TRIM14: variants seen among roughly 807,000 people sequenced by gnomAD.
TRIM14 encodes tripartite motif containing 14.
In TRIM14, 28 loss-of-function variants were observed where a neutral mutation model predicts 44.5. The ratio of observed to expected loss-of-function variants is 0.63; its 90% confidence interval spans 0.47 to 0.86. The LOEUF is 0.86. Among genes scored for constraint, TRIM14 ranks in the 40% least tolerant of loss-of-function variants. The pLI is 0.00. For missense variants in TRIM14, 607 were observed against 611.1 expected (o/e 0.99, Z 0.07); for synonymous variants, 299 against 269.2 (o/e 1.11, Z -1.08).
At chr9:98,096,395 G>C (rs116632056) in intron 3 of TRIM14, among the ~76,000 whole-genome samples, 1,554 of 152,268 alleles carry the variant, frequency 0.01, 28 homozygotes, top group African/African-American at 0.035. Context: ...GAGCAGCTCC[G>C]GGGAGGCGAG....
intron 6 of TRIM14, chr9:98,076,242 G>A (rs1021102957): frequency 6.6e-6 from 1 of 152,196 alleles, no homozygotes; most frequent in Non-Finnish European, 1.5e-5. Context: ...AGAAGGGAAA[G>A]CCTTTGAGGC....
At chr9:98,048,657 G>A in the TRIM14 span, among the ~76,000 whole-genome samples, 3 of 152,226 alleles carry the variant, frequency 2.0e-5, no homozygotes, top group African/African-American at 7.2e-5. Flanking sequence ...ATTTAGGCAG[G>A]TCAGATATTA....
intron 6 of TRIM14, among the ~76,000 whole-genome samples, chr9:98,070,602 G>T (rs1320647695): frequency 6.6e-6 from 1 of 151,124 alleles, no homozygotes; most frequent in Non-Finnish European, 1.5e-5. Flanking sequence ...TGTATTTTTA[G>T]TAGAGATGAG....
At chr9:98,047,018 A>G in the TRIM14 span, among the ~76,000 whole-genome samples, 5 of 152,096 alleles carry the variant, frequency 3.3e-5, no homozygotes, top group East Asian at 9.6e-4. Context: ...TATCACTGCA[A>G]TGGGTGGGTG....
chr9:98,077,587 G>A (rs1829647354), intron 6 of TRIM14, among the ~76,000 whole-genome samples: 1 of 152,086 alleles, frequency 6.6e-6, no homozygotes, highest in African/African-American at 2.4e-5. Flanking sequence ...GTATGGTGGT[G>A]CATTACTGTG....
rs774269881 is a variant in TRIM14, at chr9:98,095,048, G to T, written c.538-19C>A. On this transcript the variant is annotated intron_variant, in intron 3 of 5. Transcript: ENST00000341469. This position sits in a 1 kb window ranked among gnomAD's most constrained non-coding sequence, Gnocchi z 4.1. Reference sequence around the variant, plus strand: ...TGTATGCCTGTGTGGGCACACGGGGGTGAGGGTGGCTCTGGGAGATGCAGG... The same window carrying T: ...TGTATGCCTGTGTGGGCACACGGGGTTGAGGGTGGCTCTGGGAGATGCAGG... 3.1e-6 allele frequency: 5 copies of T among 1,606,674 alleles called. No homozygotes were observed. The highest frequency in any genetic ancestry group is 1.7e-5 in the Admixed American group (1 of 59,764).
At chr9:98,051,096 C>G in the TRIM14 span, among the ~76,000 whole-genome samples, 1 of 152,122 alleles carries the variant, frequency 6.6e-6, no homozygotes, top group Admixed American at 6.6e-5. Context: ...TCTTTCAGCT[C>G]TTGTCATTCC....
the TRIM14 span, among the ~76,000 whole-genome samples, chr9:98,055,675 T>C: frequency 2.0e-5 from 3 of 152,164 alleles, no homozygotes; most frequent in Non-Finnish European, 4.4e-5. Flanking sequence ...AAAGGCAGTC[T>C]AGTTCCCAGG....
At chr9:98,108,712 G>A (rs996956984) in intron 2 of TRIM14, among the ~76,000 whole-genome samples, 4 of 151,636 alleles carry the variant, frequency 2.6e-5, no homozygotes, top group African/African-American at 4.9e-5. Context: ...AACTACAAAC[G>A]TCTTCAGGGT....
the TRIM14 span, chr9:98,061,259 C>CTGCT: frequency 4.6e-6 from 2 of 431,916 alleles, no homozygotes; most frequent in South Asian, 5.3e-5. Context: ...GATGGATCAC[C>CTGCT]TGAGGTCAGG....
At chr9:98,098,635 T>G (rs1383178338) in intron 3 of TRIM14, among the ~76,000 whole-genome samples, 1 of 148,080 alleles carries the variant, frequency 6.8e-6, no homozygotes, top group African/African-American at 2.5e-5. Flanking sequence ...TGGTGGGAGG[T>G]GGAGCTTGCT....
chr9:98,056,809 A>G, the TRIM14 span: 23 of 1,592,314 alleles, frequency 1.4e-5, no homozygotes, highest in Middle Eastern at 1.7e-4. Flanking sequence ...AGCCGCTGCA[A>G]TGCCGCTGGA....
intron 6 of TRIM14, among the ~76,000 whole-genome samples, chr9:98,077,564 A>G (rs1829646373): frequency 6.6e-6 from 1 of 152,116 alleles, no homozygotes; most frequent in South Asian, 2.1e-4. Flanking sequence ...CAGTATATAT[A>G]AAACCTAGCT....
chr9:98,089,556 C>A (rs1825925470), intron 5 of TRIM14, among the ~76,000 whole-genome samples: 1 of 152,214 alleles, frequency 6.6e-6, no homozygotes, highest in African/African-American at 2.4e-5. Context: ...AACTTATCTA[C>A]CTACTTAGAG....
chr9:98,112,264 G>A (rs1024424031), intron 1 of TRIM14, among the ~76,000 whole-genome samples: 1 of 152,210 alleles, frequency 6.6e-6, no homozygotes, highest in African/African-American at 2.4e-5. Context: ...TTTACAGAGT[G>A]TATAAAGTCA....
intron 4 of TRIM14, 111 bp from the exon 5 acceptor site, chr9:98,092,112 G>C (rs767501113): frequency 5.1e-6 from 4 of 779,092 alleles, no homozygotes; most frequent in Non-Finnish European, 7.9e-6. Context: ...CCAAGAGCCA[G>C]GCAGATTTAA....
intron 6 of TRIM14, among the ~76,000 whole-genome samples, chr9:98,071,911 C>T (rs1055940119): frequency 1.3e-5 from 2 of 152,204 alleles, no homozygotes; most frequent in East Asian, 1.9e-4. Flanking sequence ...GCTGCCAAGG[C>T]GGAGTCACTT....
downstream of TRIM14, chr9:98,081,480 G>C (rs1026276056): frequency 5.5e-6 from 1 of 180,416 alleles, no homozygotes; most frequent in African/African-American, 2.4e-5. Flanking sequence ...GTTCCCTGAG[G>C]TACCAGAAGA....
chr9:98,081,336 T>C, downstream of TRIM14: 1 of 515,528 alleles, frequency 1.9e-6, no homozygotes. Flanking sequence ...CATTAGAGTC[T>C]TCCACTAATT....
Sources: gnomAD v4.1 joint callset for allele counts (sites outside exome capture counted in the v4.1 genomes callset) on GRCh38, gnomAD v4.1.1 for gene constraint, Gnocchi (gnomAD v3.1) non-coding constraint, MANE v1.5 for transcripts, NCBI Gene and HGNC (gene_info 2026-07-23, HGNC 2026-07-21) for gene names.